The following TBCD variants were observed in gnomAD, a reference collection of about 807,000 sequenced individuals.
TBCD encodes the protein tubulin-specific chaperone D.
In TBCD, 105 loss-of-function variants were observed where a neutral mutation model predicts 169.3. That is an observed-to-expected ratio of 0.62 (90% CI 0.53 to 0.73). TBCD has a LOEUF of 0.73. TBCD is among the 30% of genes least tolerant of loss of function. The probability of loss-of-function intolerance (pLI) is 0.00; values close to 1 mark genes in which losing one functional copy is unlikely to be tolerated. For synonymous variants in TBCD, 700 were observed against 643.9 expected (o/e 1.09, Z -1.32); for missense variants, 1,444 against 1,600.1 (o/e 0.90, Z 1.66).
chr17:82,829,249 ACAAG>A (rs1429278124), intron 13 of TBCD, among the ~76,000 whole-genome samples: 3 of 151,322 alleles, frequency 2.0e-5, no homozygotes, highest in African/African-American at 7.3e-5. Context: ...GCAGACATGC[ACAAG>A]CAGACACCTA....
intron 18 of TBCD, among the ~76,000 whole-genome samples, chr17:82,902,944 G>C (rs78578208): frequency 0.01 from 1,527 of 152,240 alleles, 32 homozygotes; most frequent in African/African-American, 0.034. Context: ...AGCCTTTCGC[G>C]GTCCGCATGT....
At chr17:82,787,719 A>ATGTTG (rs2049416731) in intron 7 of TBCD, among the ~76,000 whole-genome samples, 1 of 152,198 alleles carries the variant, frequency 6.6e-6, no homozygotes, top group Non-Finnish European at 1.5e-5. Flanking sequence ...AACTCTCAAC[A>ATGTTG]AGTACCATCG....
chr17:82,767,445 C>CTT (rs545655524), intron 4 of TBCD, among the ~76,000 whole-genome samples: 2 of 149,738 alleles, frequency 1.3e-5, no homozygotes, highest in East Asian at 2.0e-4. Context: ...TTTCTTTATT[C>CTT]TTTTTTTTTT....
rs894449778 is a variant in TBCD, at chr17:82,927,223, G to C, written c.2509G>C (p.Asp837His). ...QTVGVKAGAP[D>H]EAVCGENVSQ... ...TGTTGGTGTGAAAGCAGGAGCCCCAGACGAAGCTGTGTGCGGAGAGAATGT... is the reference window on the plus strand; with the variant it reads ...TGTTGGTGTGAAAGCAGGAGCCCCACACGAAGCTGTGTGCGGAGAGAATGT... Residue 837 changes from aspartate (D) to histidine (H), a missense_variant, in exon 29 of 39, where the codon GAC becomes CAC. Physicochemically the swap from Asp to His is moderately conservative, Grantham distance 81 (BLOSUM62 -1). Coordinates refer to ENST00000355528, the MANE Select transcript of TBCD (RefSeq NM_005993.5). 8 of 1,613,930 alleles carry C rather than the reference G, an allele frequency of 5.0e-6. No individual in the cohort carries two copies. The African/African-American group carries it at 1.1e-4, about 22-fold the overall frequency.
chr17:82,801,870 C>T (rs1319539329), intron 9 of TBCD, among the ~76,000 whole-genome samples: 10 of 136,470 alleles, frequency 7.3e-5, no homozygotes, highest in Non-Finnish European at 1.1e-4. Flanking sequence ...AGGAGGGCGT[C>T]GTGTGCGTCG....
intron 34 of TBCD, among the ~76,000 whole-genome samples, chr17:82,936,564 C>A (rs189010603): frequency 3.3e-5 from 5 of 152,346 alleles, no homozygotes; most frequent in Non-Finnish European, 7.3e-5. Flanking sequence ...TGGGCTAAGC[C>A]TGTGCTTTGG....
chr17:82,895,568 A>C (rs2059417655), intron 17 of TBCD, among the ~76,000 whole-genome samples: 2 of 152,046 alleles, frequency 1.3e-5, no homozygotes, highest in African/African-American at 4.8e-5. Flanking sequence ...GGTGACTGGA[A>C]ATAAGGAGAG....
At chr17:82,940,621 G>T (rs2063112313) in intron 37 of TBCD, among the ~76,000 whole-genome samples, 1 of 152,230 alleles carries the variant, frequency 6.6e-6, no homozygotes, top group Non-Finnish European at 1.5e-5. Flanking sequence ...GGTTTGGGGA[G>T]GAGTGTGTGT....
At chr17:82,905,613 T>C (rs1457334010) in intron 19 of TBCD, among the ~76,000 whole-genome samples, 3 of 27,564 alleles carry the variant, frequency 1.1e-4, no homozygotes, top group African/African-American at 3.0e-4. Flanking sequence ...TTCCCACAGG[T>C]CGTCCGTGTG....
intron 17 of TBCD, among the ~76,000 whole-genome samples, chr17:82,896,556 CTT>C (rs1245187842): frequency 2.0e-5 from 3 of 148,946 alleles, no homozygotes; most frequent in Non-Finnish European, 4.4e-5. Context: ...GCCTCGACCT[CTT>C]GAGTTCAAGC....
At chr17:82,856,329 G>A (rs537856191) in intron 13 of TBCD, among the ~76,000 whole-genome samples, 4 of 151,716 alleles carry the variant, frequency 2.6e-5, no homozygotes, top group East Asian at 2.0e-4. Flanking sequence ...GCTGGGGCCA[G>A]TAACAGTGGC....
At chr17:82,830,337 C>T (rs777828033) in intron 13 of TBCD, 2 of 1,613,900 alleles carry the variant, frequency 1.2e-6, no homozygotes, top group East Asian at 2.2e-5. Context: ...AGGCAGGTTC[C>T]GGGGCCGCAG....
intron 17 of TBCD, among the ~76,000 whole-genome samples, chr17:82,898,113 C>A (rs2059616063): frequency 8.1e-6 from 1 of 123,256 alleles, no homozygotes; most frequent in Non-Finnish European, 1.6e-5. Context: ...TGGCTCTGTT[C>A]TCCCCGGCTG....
Position 82,754,775 on chromosome 17 carries a change from A to C in TBCD, c.185-1390A>C, listed in dbSNP as rs568933295. On this transcript the variant is annotated intron_variant, in intron 1 of 38. Coordinates refer to ENST00000355528, the MANE Select transcript of TBCD (RefSeq NM_005993.5). ...TTGCTGGGAAGCAGTGGGTGTGTTC[A>C]GATGTGGAGGTGGGAGCTGCCGGAT... Among the ~76,000 whole-genome samples, 3 of 152,338 alleles carry C rather than the reference A, an allele frequency of 2.0e-5. No individual in the cohort carries two copies. In the East Asian group the frequency reaches 5.8e-4, roughly 29 times the overall value.
rs554735530 is a variant in TBCD, at chr17:82,883,895, T to C, written c.1476-250T>C. On this transcript the variant is annotated intron_variant, in intron 14 of 38. Coordinates refer to ENST00000355528, the MANE Select transcript of TBCD (RefSeq NM_005993.5). ...TGGCTCTTTGATCCTGTGCCCTCGGTGTGCACCGTCTCGTGGCTCTCGTTA... is the reference window on the plus strand; with the variant it reads ...TGGCTCTTTGATCCTGTGCCCTCGGCGTGCACCGTCTCGTGGCTCTCGTTA... 2.9e-4 allele frequency among the ~76,000 whole-genome samples: 44 copies of C among 152,316 alleles called. 1 individual carries two copies. In the South Asian group the frequency reaches 8.7e-3, roughly 30 times the overall value.
chr17:82,856,873 C>T (rs1361542266), intron 13 of TBCD, among the ~76,000 whole-genome samples: 27 of 142,570 alleles, frequency 1.9e-4, no homozygotes, highest in African/African-American at 4.4e-4. Context: ...GGACCGCGTG[C>T]GGACCCTCGC....
At chr17:82,753,081 C>T (rs561013621) in intron 1 of TBCD, among the ~76,000 whole-genome samples, 3 of 152,192 alleles carry the variant, frequency 2.0e-5, no homozygotes, top group Non-Finnish European at 4.4e-5. Flanking sequence ...TCCTTAGGAG[C>T]TCATAGCTAA....
intron 13 of TBCD, among the ~76,000 whole-genome samples, chr17:82,854,923 AG>A (rs1261080618): frequency 1.3e-5 from 2 of 152,236 alleles, no homozygotes; most frequent in African/African-American, 2.4e-5. Flanking sequence ...GCATTCATGA[AG>A]CTCTGTCCTT....
At chr17:82,879,030 C>T (rs1942448208) in intron 14 of TBCD, among the ~76,000 whole-genome samples, 1 of 146,116 alleles carries the variant, frequency 6.8e-6, no homozygotes, top group South Asian at 2.2e-4. Flanking sequence ...TTCAGGTTGG[C>T]TTCTGTGTCC....
Sources: allele counts gnomAD v4.1 joint callset (sites outside exome capture counted in the v4.1 genomes callset), GRCh38; gene constraint gnomAD v4.1.1; transcripts MANE v1.5; gene names NCBI Gene and HGNC (gene_info 2026-07-23, HGNC 2026-07-21).